Variants in CACNG7 observed in about 807,000 individuals in gnomAD.
CACNG7 encodes the protein calcium voltage-gated channel auxiliary subunit gamma 7.
CACNG7 carries 9 observed loss-of-function variants against 26.3 expected under a neutral mutation model. The ratio of observed to expected loss-of-function variants is 0.34; its 90% confidence interval spans 0.21 to 0.60. The LOEUF (loss-of-function observed/expected upper bound fraction) is 0.60, where lower values mean the gene tolerates loss of function less well. CACNG7 is among the 20% of genes least tolerant of loss of function. The pLI is 0.81. For synonymous variants in CACNG7, 170 were observed against 157.0 expected, an observed-to-expected ratio of 1.08 and a Z score of -0.62; for missense variants, 297 against 380.4, an observed-to-expected ratio of 0.78 and a Z score of 1.82.
intron 2 of CACNG7, 64 bp downstream of exon 2, chr19:53,913,091 C>T: frequency 3.0e-5 from 42 of 1,409,938 alleles, no homozygotes; most frequent in Non-Finnish European, 4.1e-5. Flanking sequence ...AGAGTCTTAG[C>T]CATAGTCCCA....
chr19:53,932,834 CTTTTTTT>C (rs534782031), intron 4 of CACNG7, among the ~76,000 whole-genome samples: 1 of 136,878 alleles, frequency 7.3e-6, no homozygotes, highest in Non-Finnish European at 1.6e-5. Flanking sequence ...TTTCTCTCTC[CTTTTTTT>C]TTTTTTTTTT....
intron 4 of CACNG7, among the ~76,000 whole-genome samples, chr19:53,916,727 C>T (rs1251153549): frequency 6.6e-5 from 10 of 150,628 alleles, no homozygotes; most frequent in Non-Finnish European, 1.5e-4. Flanking sequence ...TTCAAACTCC[C>T]GACCGCAGGT....
chr19:53,921,951 G>A (rs542993150), intron 4 of CACNG7, among the ~76,000 whole-genome samples: 3 of 99,700 alleles, frequency 3.0e-5, no homozygotes, highest in Non-Finnish European at 5.8e-5. Context: ...GTCATTGGTG[G>A]AGTTGCCCCA....
At chr19:53,925,793 G>A (rs576625079) in intron 4 of CACNG7, among the ~76,000 whole-genome samples, 14 of 152,356 alleles carry the variant, frequency 9.2e-5, no homozygotes, top group African/African-American at 2.4e-4. Flanking sequence ...GGCCCAGGCC[G>A]TAGCAGATAA....
intron 4 of CACNG7, among the ~76,000 whole-genome samples, chr19:53,930,710 G>T (rs1411274633): frequency 6.6e-6 from 1 of 151,894 alleles, no homozygotes. Context: ...GTTTCACCAT[G>T]TTGGCCAGGC....
intron 4 of CACNG7, among the ~76,000 whole-genome samples, chr19:53,936,682 C>T (rs1470742693): frequency 6.6e-6 from 1 of 151,822 alleles, no homozygotes; most frequent in Non-Finnish European, 1.5e-5. Context: ...GATCTCGGCT[C>T]ACTGCAACCT....
chr19:53,940,616 T>C lies in CACNG7; in HGVS notation c.425-854T>C, dbSNP rs2069131383. ...CCCGGCATTCGAGGCTCACCATGGC[T>C]ATACCTTCCCCTTTCTCTAACCTCA... On this transcript the variant is annotated intron_variant, in intron 4 of 5. Coordinates refer to ENST00000391767, the MANE Select transcript of CACNG7 (RefSeq NM_031896.5). This position sits in a 1 kb window ranked among gnomAD's most constrained non-coding sequence, Gnocchi z 4.1. 6.6e-6 allele frequency among the ~76,000 whole-genome samples: 1 copy of C among 152,148 alleles called. No homozygotes were observed. Among genetic ancestry groups the C allele is most frequent in the African/African-American group, 2.4e-5 (1 of 41,444 alleles).
intron 4 of CACNG7, among the ~76,000 whole-genome samples, chr19:53,936,650 C>A (rs1278100226): frequency 6.6e-6 from 1 of 152,112 alleles, no homozygotes; most frequent in Non-Finnish European, 1.5e-5. Flanking sequence ...ACTCTGTCGC[C>A]CAGGCTGGAT....
chr19:53,926,599 A>G (rs1158774246), intron 4 of CACNG7, among the ~76,000 whole-genome samples: 3 of 152,030 alleles, frequency 2.0e-5, no homozygotes, highest in African/African-American at 7.2e-5. Flanking sequence ...GTCTTCTTGT[A>G]TCAGAATGTA....
intron 4 of CACNG7, among the ~76,000 whole-genome samples, chr19:53,922,689 C>T (rs1319051925): frequency 3.1e-5 from 2 of 64,284 alleles, no homozygotes; most frequent in Middle Eastern, 0.01. Context: ...GGTGGAGTTG[C>T]CCCAGGTCTG....
chr19:53,932,699 A>AT (rs1438077163), intron 4 of CACNG7, among the ~76,000 whole-genome samples: 1 of 149,212 alleles, frequency 6.7e-6, no homozygotes, highest in Non-Finnish European at 1.5e-5. Flanking sequence ...TCCCTCTCCT[A>AT]TTTTTTTCTG....
intron 4 of CACNG7, among the ~76,000 whole-genome samples, chr19:53,928,361 T>TC (rs151206206): frequency 0.023 from 3,528 of 152,176 alleles, 133 homozygotes; most frequent in African/African-American, 0.08. Context: ...TACCTTTACC[T>TC]CTTCGGTTCA....
At chr19:53,913,054 A>G (rs758555876) in intron 2 of CACNG7, 27 bp downstream of exon 2, 1 of 1,591,894 alleles carries the variant, frequency 6.3e-7, no homozygotes, top group South Asian at 1.1e-5. Flanking sequence ...TCTTCCACTC[A>G]ACAGTTTCTG....
At chr19:53,919,820 C>T (rs535027604) in intron 4 of CACNG7, among the ~76,000 whole-genome samples, 45 of 144,346 alleles carry the variant, frequency 3.1e-4, no homozygotes, top group Non-Finnish European at 5.0e-4. Context: ...GTGGAGTTGC[C>T]CCAGGTCTGG....
intron 4 of CACNG7, among the ~76,000 whole-genome samples, chr19:53,930,687 T>A (rs1480496538): frequency 6.6e-6 from 1 of 151,926 alleles, no homozygotes; most frequent in Non-Finnish European, 1.5e-5. Flanking sequence ...TTTGTATTTT[T>A]AGTAGAGATG....
chr19:53,932,108 C>G (rs1267827257), intron 4 of CACNG7, among the ~76,000 whole-genome samples: 1 of 151,372 alleles, frequency 6.6e-6, no homozygotes, highest in Non-Finnish European at 1.5e-5. Flanking sequence ...TAAAAAGAAG[C>G]CAAGCACAGT....
intron 3 of CACNG7, 113 bp downstream of exon 3, chr19:53,914,699 G>A (rs2068883713): frequency 3.1e-6 from 3 of 952,652 alleles, no homozygotes; most frequent in Non-Finnish European, 5.0e-6. Flanking sequence ...AAGGAGGGGA[G>A]GCTTGAAAGA....
chr19:53,942,251 C>A lies in CACNG7; in HGVS notation c.786C>A (p.Ile262=), dbSNP rs747328186. The part of the protein sequence containing the change: ...IQMTQNYPPA[I]KYPDHLHIST... Reference sequence around the variant, plus strand: ...TGACGCAGAACTACCCTCCCGCCATCAAGTACCCGGACCACCTGCACATCT... The same window carrying A: ...TGACGCAGAACTACCCTCCCGCCATAAAGTACCCGGACCACCTGCACATCT... Residue 262 remains isoleucine (I), a synonymous_variant, in exon 6 of 6, where the codon ATC becomes ATA. Transcript: ENST00000391767. The surrounding 1 kb of genome is among the most constrained non-coding windows in gnomAD (Gnocchi z 5.9). The A allele has an allele frequency of 6.2e-7, 1 of 1,613,678 alleles. No individual in the cohort carries two copies. The highest frequency in any genetic ancestry group is 8.5e-7 in the Non-Finnish European group (1 of 1,179,888).
rs76455851 is a variant in CACNG7 at position 53,940,162 on chromosome 19, A to G, written c.425-1308A>G. ...CACTCTTGGCATGGTTACTGTTTAG[A>G]GGAAATTTCATCTGGAGAAAATGAT... On this transcript the variant is annotated intron_variant, in intron 4 of 5. Transcript: ENST00000391767. The surrounding 1 kb of genome is among the most constrained non-coding windows in gnomAD (Gnocchi z 4.1). Among the ~76,000 whole-genome samples the G allele has an allele frequency of 8.3e-3, 1,257 of 152,286 alleles. 14 individuals are homozygous for G. The highest frequency in any genetic ancestry group is 0.029 in the African/African-American group (1,206 of 41,554).
Sources: gnomAD v4.1 joint callset for allele counts (sites outside exome capture counted in the v4.1 genomes callset) on GRCh38, gnomAD v4.1.1 for gene constraint, Gnocchi (gnomAD v3.1) non-coding constraint, MANE v1.5 for transcripts, NCBI Gene and HGNC (gene_info 2026-07-23, HGNC 2026-07-21) for gene names.